Variants in GABRB2 observed in about 807,000 individuals in gnomAD.
GABRB2 encodes the protein gamma-aminobutyric acid type A receptor subunit beta2.
A neutral mutation model predicts 54.7 loss-of-function variants in GABRB2; 16 were observed. That is an observed-to-expected ratio of 0.29 (90% CI 0.20 to 0.44). The LOEUF (loss-of-function observed/expected upper bound fraction) is 0.44, where lower values mean the gene tolerates loss of function less well. Among genes scored for constraint, GABRB2 ranks in the 20% least tolerant of loss-of-function variants. GABRB2 has a pLI of 1.00. For synonymous variants in GABRB2, 244 were observed against 233.8 expected (o/e 1.04, Z -0.40); for missense variants, 355 against 644.0 (o/e 0.55, Z 4.86).
Position 161,339,541 on chromosome 5 carries a change from CTG to C in GABRB2, c.542-2774_542-2773del, listed in dbSNP as rs199796700. The stretch of plus-strand genomic sequence containing the variant: ...CTATTGTAGGTGACACATAAAAACA[CTG>C]AGAACCACTTGTCTAGCAAATGAAA... On this transcript the variant is annotated intron_variant, in intron 5 of 9. Transcript: ENST00000393959. 7.5e-3 allele frequency among the ~76,000 whole-genome samples: 1,139 copies of C among 152,126 alleles called. 15 individuals are homozygous for C. The highest frequency in any genetic ancestry group is 0.025 in the African/African-American group (1,031 of 41,498).
chr5:161,520,244 A>G (rs540866288), intron 3 of GABRB2, among the ~76,000 whole-genome samples: 17 of 152,268 alleles, frequency 1.1e-4, no homozygotes, highest in Non-Finnish European at 1.2e-4. Flanking sequence ...GCTGTAGCTT[A>G]TAACAACAGC....
rs188633344 is a variant in GABRB2, at chr5:161,310,461, C to G, written c.1191+15907G>C. ...TTATCTCAGAACAAGAAATCATTACCAAGATTTCTGGCTGGCTTGCTTGTT... is the reference window on the plus strand; with the variant it reads ...TTATCTCAGAACAAGAAATCATTACGAAGATTTCTGGCTGGCTTGCTTGTT... On this transcript the variant is annotated intron_variant, in intron 9 of 9. Coordinates refer to ENST00000393959, the MANE Select transcript of GABRB2 (RefSeq NM_001371727.1). Among the ~76,000 whole-genome samples, 188 of 152,302 alleles carry G rather than the reference C, an allele frequency of 1.2e-3. 1 individual carries two copies. The highest frequency in any genetic ancestry group is 4.2e-3 in the African/African-American group (175 of 41,554).
intron 3 of GABRB2, among the ~76,000 whole-genome samples, chr5:161,468,235 T>G (rs1431085634): frequency 6.6e-6 from 1 of 152,068 alleles, no homozygotes; most frequent in African/African-American, 2.4e-5. Context: ...TTTATTGCAC[T>G]TAGAATAAAA....
intron 3 of GABRB2, among the ~76,000 whole-genome samples, chr5:161,497,403 G>T (rs1453508556): frequency 6.6e-6 from 1 of 152,064 alleles, no homozygotes; most frequent in African/African-American, 2.4e-5. Context: ...CATGAGGATT[G>T]CTAAAGTGTT....
intron 3 of GABRB2, among the ~76,000 whole-genome samples, chr5:161,539,942 G>A (rs1208863437): frequency 6.6e-6 from 1 of 152,218 alleles, no homozygotes; most frequent in Non-Finnish European, 1.5e-5. Flanking sequence ...CCTTCACGGA[G>A]TAGTAATCTT....
intron 3 of GABRB2, among the ~76,000 whole-genome samples, chr5:161,484,561 T>C (rs758638203): frequency 2.0e-5 from 3 of 152,004 alleles, no homozygotes; most frequent in Admixed American, 6.6e-5. Context: ...CAAAGGAAAC[T>C]GAAAGTAATG....
At position 161,345,910 on chromosome 5, in the gene GABRB2, T is replaced by C. The variant is rs767090168; in HGVS notation, c.542-9141A>G. Among the ~76,000 whole-genome samples, 19 of 152,144 alleles carry C rather than the reference T, an allele frequency of 1.2e-4. 1 individual carries two copies. The highest frequency in any genetic ancestry group is 1.8e-4 in the Non-Finnish European group (12 of 68,006). ...TCACACAAGTTTTTCTGAACTGAAC[T>C]GTCAACTTGCTAATCCTTTTACTTG... On this transcript the variant is annotated intron_variant, in intron 5 of 9. Transcript: ENST00000393959.
intron 3 of GABRB2, among the ~76,000 whole-genome samples, chr5:161,474,607 A>G (rs116400541): frequency 0.01 from 1,552 of 152,072 alleles, 28 homozygotes; most frequent in African/African-American, 0.035. Flanking sequence ...CATTTTCAGA[A>G]GAATAGGTAT....
chr5:161,541,212 A>C (rs1251574847), intron 3 of GABRB2, among the ~76,000 whole-genome samples: 2 of 152,078 alleles, frequency 1.3e-5, no homozygotes, highest in Admixed American at 1.3e-4. Flanking sequence ...AGTGGGCTTA[A>C]AATGTTCAAT....
chr5:161,329,129 TA>T (rs986066526), intron 8 of GABRB2, among the ~76,000 whole-genome samples: 1 of 152,264 alleles, frequency 6.6e-6, no homozygotes, highest in African/African-American at 2.4e-5. Flanking sequence ...CAAATTGGTA[TA>T]AAAAATAGGG....
At chr5:161,370,323 A>C (rs1755095389) in intron 5 of GABRB2, among the ~76,000 whole-genome samples, 1 of 152,164 alleles carries the variant, frequency 6.6e-6, no homozygotes, top group African/African-American at 2.4e-5. Flanking sequence ...AGCTCAGTCT[A>C]CCCATCACAG....
intron 5 of GABRB2, among the ~76,000 whole-genome samples, chr5:161,368,397 A>G (rs1487177495): frequency 2.6e-5 from 4 of 152,172 alleles, no homozygotes; most frequent in African/African-American, 4.8e-5. Context: ...GGAATAACAC[A>G]TTCAGCAAGG....
chr5:161,422,919 T>C (rs1756891596), intron 4 of GABRB2, among the ~76,000 whole-genome samples: 1 of 152,170 alleles, frequency 6.6e-6, no homozygotes, highest in Admixed American at 6.5e-5. Flanking sequence ...TAAAATGATG[T>C]CTATACAAAT....
chr5:161,352,719 T>A (rs941891021), intron 5 of GABRB2, among the ~76,000 whole-genome samples: 1 of 152,058 alleles, frequency 6.6e-6, no homozygotes, highest in Non-Finnish European at 1.5e-5. Context: ...TTGCAAAAAA[T>A]AAGTATGTAA....
chr5:161,484,621 A>G (rs987336802), intron 3 of GABRB2, among the ~76,000 whole-genome samples: 19 of 152,028 alleles, frequency 1.2e-4, no homozygotes, highest in African/African-American at 4.6e-4. Flanking sequence ...TATGTATACA[A>G]CTGAAAAACA....
intron 9 of GABRB2, among the ~76,000 whole-genome samples, chr5:161,314,067 A>G (rs959283135): frequency 2.0e-5 from 3 of 152,246 alleles, no homozygotes; most frequent in African/African-American, 7.2e-5. Flanking sequence ...AATGCAGCCC[A>G]TGTCTGTGGC....
In GABRB2 at chr5:161,291,094, A is replaced by T. The variant is rs956437680; in HGVS notation, c.*2987T>A. ...ACATGATTATGTTGCATGAGTTTTC[A>T]ACTCTGAAATGCATTTCATACCTAC... is the stretch of plus-strand genomic sequence containing the variant. On this transcript the variant is annotated 3_prime_UTR_variant, in exon 10 of 10. Transcript: ENST00000393959. 7 of 152,518 alleles carry T rather than the reference A, an allele frequency of 4.6e-5. No homozygotes were observed. The highest frequency in any genetic ancestry group is 1.4e-4 in the African/African-American group (6 of 41,436). 9.4% of individuals were successfully genotyped at this position (152,518 alleles called of 1,614,324 possible).
At chr5:161,332,541 T>C (rs1428630945) in intron 7 of GABRB2, among the ~76,000 whole-genome samples, 3 of 152,132 alleles carry the variant, frequency 2.0e-5, no homozygotes, top group African/African-American at 7.2e-5. Flanking sequence ...GGAAGGTAAA[T>C]GCACTGAAAG....
chr5:161,365,961 T>G (rs1315567308), intron 5 of GABRB2, among the ~76,000 whole-genome samples: 1 of 151,698 alleles, frequency 6.6e-6, no homozygotes, highest in Non-Finnish European at 1.5e-5. Context: ...TCCTTATGCC[T>G]GGGGTTATAC....
Sources: allele counts gnomAD v4.1 joint callset (sites outside exome capture counted in the v4.1 genomes callset), GRCh38; gene constraint gnomAD v4.1.1; transcripts MANE v1.5; gene names NCBI Gene and HGNC (gene_info 2026-07-23, HGNC 2026-07-21).